Variants in PDE4D observed in about 807,000 individuals in gnomAD.
PDE4D encodes 3',5'-cyclic-AMP phosphodiesterase 4D.
Under a neutral mutation model 87.4 loss-of-function variants are expected in PDE4D, and 24 were observed. The ratio of observed to expected loss-of-function variants is 0.27; its 90% confidence interval spans 0.20 to 0.39. PDE4D has a LOEUF of 0.39. Ranked by LOEUF, PDE4D falls within the 10% of genes least tolerant of loss-of-function variation. The probability of loss-of-function intolerance (pLI) is 1.00; values close to 1 mark genes in which losing one functional copy is unlikely to be tolerated. For synonymous variants in PDE4D, 384 were observed against 383.2 expected (o/e 1.00, Z -0.02); for missense variants, 714 against 1,041.0 (o/e 0.69, Z 4.32).
At chr5:59,544,224 A>C (rs891870170) in intron 1 of PDE4D, among the ~76,000 whole-genome samples, 1 of 152,222 alleles carries the variant, frequency 6.6e-6, no homozygotes, top group African/African-American at 2.4e-5. Flanking sequence ...CATTCATTGA[A>C]GAAGGAACTC....
chr5:60,110,666 A>T (rs983139064), intron 2 of PDE4D, among the ~76,000 whole-genome samples: 1 of 152,112 alleles, frequency 6.6e-6, no homozygotes, highest in Non-Finnish European at 1.5e-5. Context: ...TATCCAAAGG[A>T]AAGGAAACCA....
rs1179401951 is a variant in PDE4D at position 60,230,228 on chromosome 5, A to C, written c.-89-44541T>G. On this transcript the variant is annotated intron_variant, in intron 1 of 16. Coordinates refer to the PDE4D transcript ENST00000502484. ...TGAGAAACTAAAATGTGAATCTAGA[A>C]ACTCTTTAAAAACATCTTGAGGGCT... Among the ~76,000 whole-genome samples the C allele has an allele frequency of 2.0e-5, 3 of 152,148 alleles. No homozygotes were observed. In the South Asian group the frequency reaches 6.2e-4, roughly 31 times the overall value.
intron 1 of PDE4D, among the ~76,000 whole-genome samples, chr5:59,333,885 TAAGTA>T (rs998535540): frequency 3.3e-5 from 5 of 152,020 alleles, no homozygotes; most frequent in African/African-American, 1.2e-4. Flanking sequence ...GTAATCTCAT[TAAGTA>T]AATATAAAAT....
At chr5:60,493,940 A>C (rs1749676280) in intron 1 of PDE4D, among the ~76,000 whole-genome samples, 1 of 152,184 alleles carries the variant, frequency 6.6e-6, no homozygotes, top group Admixed American at 6.5e-5. Context: ...ACATTGGAAA[A>C]ATTGAGGGAT....
intron 1 of PDE4D, among the ~76,000 whole-genome samples, chr5:60,504,601 G>A (rs889540478): frequency 4.6e-5 from 7 of 152,150 alleles, no homozygotes; most frequent in African/African-American, 1.7e-4. Context: ...AGTGCAGTCG[G>A]AACTGCAGCA....
intron 6 of PDE4D, among the ~76,000 whole-genome samples, chr5:59,014,901 C>T (rs12374472): frequency 0.072 from 11,017 of 152,232 alleles, 454 homozygotes; most frequent in Non-Finnish European, 0.093. Context: ...ACCAAAATAG[C>T]ATGGTACTGG....
At chr5:60,187,578 A>T (rs566813352) in intron 1 of PDE4D, among the ~76,000 whole-genome samples, 253 of 152,298 alleles carry the variant, frequency 1.7e-3, no homozygotes, top group African/African-American at 5.8e-3. Context: ...CAAATAATGG[A>T]TTTGACCTGA....
chr5:59,867,822 G>A (rs1561789854), intron 1 of PDE4D, among the ~76,000 whole-genome samples: 1 of 152,070 alleles, frequency 6.6e-6, no homozygotes, highest in Non-Finnish European at 1.5e-5. Context: ...AAGATAAGCA[G>A]GAAGCAGAAT....
At chr5:60,366,223 C>A (rs1162003550) in intron 1 of PDE4D, among the ~76,000 whole-genome samples, 1 of 152,028 alleles carries the variant, frequency 6.6e-6, no homozygotes, top group Non-Finnish European at 1.5e-5. Context: ...CTTGTTTGTG[C>A]AGATAGCATG....
intron 1 of PDE4D, among the ~76,000 whole-genome samples, chr5:59,836,627 T>TATCTATC (rs1742086992): frequency 6.9e-6 from 1 of 144,556 alleles, no homozygotes; most frequent in Admixed American, 6.9e-5. Context: ...TGTATCTATC[T>TATCTATC]ATCTATCTAT....
chr5:59,766,090 CAT>C (rs1366246072), intron 1 of PDE4D, among the ~76,000 whole-genome samples: 1 of 152,192 alleles, frequency 6.6e-6, no homozygotes, highest in Non-Finnish European at 1.5e-5. Flanking sequence ...CAATTTGAAA[CAT>C]ATTTTCAAAA....
intron 5 of PDE4D, among the ~76,000 whole-genome samples, chr5:59,064,979 A>G (rs529090683): frequency 6.6e-6 from 1 of 151,940 alleles, no homozygotes; most frequent in South Asian, 2.1e-4. Context: ...AGATATTTTC[A>G]CTGCAGCATA....
intron 2 of PDE4D, among the ~76,000 whole-genome samples, chr5:60,122,563 G>A (rs1778784583): frequency 6.6e-6 from 1 of 152,200 alleles, no homozygotes; most frequent in Admixed American, 6.5e-5. Flanking sequence ...GTCACAGCTG[G>A]AGTGGCTGGG....
intron 2 of PDE4D, among the ~76,000 whole-genome samples, chr5:59,990,209 G>T (rs1762868076): frequency 6.6e-6 from 1 of 152,126 alleles, no homozygotes; most frequent in African/African-American, 2.4e-5. Flanking sequence ...TCCATCTGAA[G>T]ACTGAGATAA....
intron 2 of PDE4D, among the ~76,000 whole-genome samples, chr5:60,141,750 T>C (rs1780555913): frequency 6.6e-6 from 1 of 152,172 alleles, no homozygotes. Context: ...AGACATAATC[T>C]TGGAGATAAT....
At chr5:59,368,575 T>G (rs1183777158) in intron 1 of PDE4D, among the ~76,000 whole-genome samples, 1 of 152,230 alleles carries the variant, frequency 6.6e-6, no homozygotes, top group Non-Finnish European at 1.5e-5. Context: ...ATGATTCCAC[T>G]GATTTGCAAT....
intron 1 of PDE4D, among the ~76,000 whole-genome samples, chr5:59,890,290 CACACACCTTTT>C (rs1428885228): frequency 7.7e-6 from 1 of 130,376 alleles, no homozygotes; most frequent in Non-Finnish European, 1.7e-5. Context: ...CACACACACA[CACACACCTTTT>C]CTTGTTTGCT....
chr5:59,282,665 A>AG (rs937363275), intron 1 of PDE4D, among the ~76,000 whole-genome samples: 1 of 151,486 alleles, frequency 6.6e-6, no homozygotes, highest in Non-Finnish European at 1.5e-5. Context: ...AAAAAAAAAA[A>AG]AAAGATGTGA....
chr5:59,904,974 GT>G (rs1395683503), intron 3 of PDE4D, among the ~76,000 whole-genome samples: 4 of 152,154 alleles, frequency 2.6e-5, no homozygotes, highest in Admixed American at 2.0e-4. Flanking sequence ...CAACACCTTA[GT>G]TTTTAATGTG....
Sources: allele counts gnomAD v4.1 joint callset (sites outside exome capture counted in the v4.1 genomes callset), GRCh38; gene constraint gnomAD v4.1.1; transcripts MANE v1.5; gene names NCBI Gene and HGNC (gene_info 2026-07-23, HGNC 2026-07-21).